Variants in FREM2 observed in about 807,000 individuals in gnomAD.
FREM2 encodes the protein FRAS1 related extracellular matrix 2, also known as FRAS1-related extracellular matrix protein 2.
A neutral mutation model predicts 219.9 loss-of-function variants in FREM2; 119 were observed. The observed-to-expected ratio is 0.54, with a 90% CI of 0.47 to 0.63. The LOEUF is 0.63. FREM2 is among the 30% of genes least tolerant of loss of function. FREM2 has a pLI of 0.00. For synonymous variants in FREM2, 1,562 were observed against 1,522.8 expected, an observed-to-expected ratio of 1.03 and a Z score of -0.60; for missense variants, 4,030 against 3,993.6, an observed-to-expected ratio of 1.01 and a Z score of -0.25.
At chr13:38,772,869 G>A (rs998127473) in intron 4 of FREM2, among the ~76,000 whole-genome samples, 7 of 151,876 alleles carry the variant, frequency 4.6e-5, no homozygotes, top group African/African-American at 1.7e-4. Flanking sequence ...GCTAATTTTT[G>A]TATTTTTAGT....
intron 4 of FREM2, among the ~76,000 whole-genome samples, chr13:38,780,961 G>A (rs887435216): frequency 2.0e-5 from 3 of 152,164 alleles, no homozygotes; most frequent in Non-Finnish European, 4.4e-5. Flanking sequence ...GGTGATAGTG[G>A]CTGATTCCAT....
intron 6 of FREM2, among the ~76,000 whole-genome samples, chr13:38,841,624 T>G (rs1328749809): frequency 6.6e-6 from 1 of 152,174 alleles, no homozygotes; most frequent in Non-Finnish European, 1.5e-5. Context: ...CCTCGTGAAT[T>G]TCTTGCCGAT....
At chr13:38,787,746 GTTATTAT>G (rs548653154) in intron 6 of FREM2, among the ~76,000 whole-genome samples, 238 of 149,138 alleles carry the variant, frequency 1.6e-3, no homozygotes, top group Non-Finnish European at 2.7e-3. Context: ...ATTTATTAAT[GTTATTAT>G]TTATTATTTA....
chr13:38,876,979 T>TCCTCA (rs2137938741), intron 20 of FREM2, 138 bp from the exon 21 acceptor site: 1 of 1,026,722 alleles, frequency 9.7e-7, no homozygotes, highest in Non-Finnish European at 1.5e-6. Context: ...CTCTCTGAGT[T>TCCTCA]AGCTTGGTAG....
At position 38,881,366 on chromosome 13, in the gene FREM2, T is replaced by G. The variant is rs184402960; in HGVS notation, c.*579T>G. 6.5e-6 allele frequency: 1 copy of G among 154,640 alleles called. No individual in the cohort carries two copies. The highest frequency in any genetic ancestry group is 1.4e-5 in the Non-Finnish European group (1 of 69,344). 9.6% of individuals were successfully genotyped at this position (154,640 alleles called of 1,614,324 possible). ...ACTTGGGAGACAGTGGAAGGAAAGATAGAGGGAAGGAAGTTCACTCACTTG... is the reference window on the plus strand; with the variant it reads ...ACTTGGGAGACAGTGGAAGGAAAGAGAGAGGGAAGGAAGTTCACTCACTTG... On this transcript the variant is annotated 3_prime_UTR_variant, in exon 24 of 24. Coordinates refer to ENST00000280481, the MANE Select transcript of FREM2 (RefSeq NM_207361.6).
At chr13:38,789,500 G>A (rs1350401954) in intron 6 of FREM2, among the ~76,000 whole-genome samples, 1 of 147,842 alleles carries the variant, frequency 6.8e-6, no homozygotes, top group Non-Finnish European at 1.5e-5. Flanking sequence ...CTTTCCAGAA[G>A]TTTGTATATT....
chr13:38,868,452 G>A (rs17527732), intron 16 of FREM2, among the ~76,000 whole-genome samples: 2,687 of 152,320 alleles, frequency 0.018, 20 homozygotes, highest in South Asian at 0.042. Flanking sequence ...GCCCAGGTTC[G>A]TGTAGCTTGT....
At position 38,784,198 on chromosome 13, in the gene FREM2, G is replaced by A. The variant is rs185169633; in HGVS notation, c.5768-359G>A. 6.7e-3 allele frequency among the ~76,000 whole-genome samples: 1,028 copies of A among 152,362 alleles called. 7 individuals are homozygous for A. The highest frequency in any genetic ancestry group is 0.011 in the Admixed American group (176 of 15,308). ...AGTTACCAAATGTGTAAAGCCAGGTGGAGTGGTTGAGAGGATTAAGGAGAC... is the reference window on the plus strand; with the variant it reads ...AGTTACCAAATGTGTAAAGCCAGGTAGAGTGGTTGAGAGGATTAAGGAGAC... On this transcript the variant is annotated intron_variant, in intron 5 of 23. Coordinates refer to ENST00000280481, the MANE Select transcript of FREM2 (RefSeq NM_207361.6).
At chr13:38,799,427 G>C (rs759636622) in intron 6 of FREM2, among the ~76,000 whole-genome samples, 1 of 152,036 alleles carries the variant, frequency 6.6e-6, no homozygotes, top group Non-Finnish European at 1.5e-5. Context: ...TGAGAATAAT[G>C]TATATTCTGC....
At chr13:38,790,863 A>G (rs919649575) in intron 6 of FREM2, among the ~76,000 whole-genome samples, 2 of 152,198 alleles carry the variant, frequency 1.3e-5, no homozygotes, top group Non-Finnish European at 2.9e-5. Flanking sequence ...AACTTATCCA[A>G]GTCAAGCCCA....
chr13:38,738,370 A>G (rs1051573503), intron 2 of FREM2, among the ~76,000 whole-genome samples: 3 of 152,010 alleles, frequency 2.0e-5, no homozygotes, highest in Non-Finnish European at 4.4e-5. Context: ...GTTCAAAAGC[A>G]TCCTGGGCAA....
chr13:38,862,261 C>T (rs1207127332), intron 15 of FREM2, among the ~76,000 whole-genome samples: 1 of 152,210 alleles, frequency 6.6e-6, no homozygotes, highest in East Asian at 1.9e-4. Context: ...CTACCTCCCC[C>T]AGAACAAGAA....
At chr13:38,823,358 A>C (rs776989497) in intron 6 of FREM2, among the ~76,000 whole-genome samples, 1 of 151,672 alleles carries the variant, frequency 6.6e-6, no homozygotes, top group Non-Finnish European at 1.5e-5. Context: ...CCCTAAATGC[A>C]CATTTCATCA....
chr13:38,714,649 T>C (rs570830673), intron 2 of FREM2, among the ~76,000 whole-genome samples: 1 of 152,320 alleles, frequency 6.6e-6, no homozygotes, highest in South Asian at 2.1e-4. Context: ...GTTAATCAGC[T>C]AGATTTGATT....
chr13:38,715,667 G>A (rs1870969383), intron 2 of FREM2, among the ~76,000 whole-genome samples: 1 of 151,332 alleles, frequency 6.6e-6, no homozygotes, highest in Non-Finnish European at 1.5e-5. Flanking sequence ...CGTATATAAT[G>A]GCCCTATTGT....
At chr13:38,840,644 A>ATATATATATATATATATGTG (rs1184958401) in intron 6 of FREM2, among the ~76,000 whole-genome samples, 1,854 of 134,026 alleles carry the variant, frequency 0.014, 49 homozygotes, top group African/African-American at 0.048. Flanking sequence ...ATATATATAT[A>ATATATATATATATATATGTG]TGTGTATGTA....
chr13:38,875,758 A>T (rs74504523), intron 18 of FREM2, among the ~76,000 whole-genome samples: 107 of 152,272 alleles, frequency 7.0e-4, no homozygotes, highest in Non-Finnish European at 1.1e-3. Context: ...TTTTGACAAA[A>T]CTATAGAGCA....
Position 38,698,243 on chromosome 13 carries a change from C to G in FREM2, c.5263+456C>G, listed in dbSNP as rs970933938. On this transcript the variant is annotated intron_variant, in intron 2 of 23. Coordinates refer to ENST00000280481, the MANE Select transcript of FREM2 (RefSeq NM_207361.6). ...ATACTGATGGAAAATGTGTTGCATT[C>G]ACCAAGAAATCAGTAGTAAATTAAT... Among the ~76,000 whole-genome samples the G allele has an allele frequency of 3.3e-5, 5 of 152,284 alleles. No homozygotes were observed. The East Asian group carries it at 9.7e-4, about 29-fold the overall frequency.
chr13:38,689,351 GT>G lies in FREM2; in HGVS notation c.2009del (p.Phe670SerfsTer21). On this transcript the variant is annotated frameshift_variant, in exon 1 of 24. Coordinates refer to ENST00000280481, the MANE Select transcript of FREM2 (RefSeq NM_207361.6). LOFTEE classifies it high-confidence loss of function. The stretch of plus-strand genomic sequence containing the variant: ...ATAGTCCTGGGCCAGTCACAGACCA[GT>G]TCACATTTAGAGTCCAGGATAACCA... ...PHSPGPVTDQ[F>X]TFRVQDNHDP... is the part of the protein sequence containing the mutation. 1 of 1,614,088 alleles carries G rather than the reference GT, an allele frequency of 6.2e-7. No individual in the cohort carries two copies. The highest frequency in any genetic ancestry group is 8.5e-7 in the Non-Finnish European group (1 of 1,180,028).
Sources: gnomAD v4.1 joint callset for allele counts (sites outside exome capture counted in the v4.1 genomes callset) on GRCh38, gnomAD v4.1.1 for gene constraint, MANE v1.5 for transcripts, NCBI Gene and HGNC (gene_info 2026-07-23, HGNC 2026-07-21) for gene names.